CD247: variants seen among roughly 807,000 people sequenced by gnomAD.
CD247 encodes T-cell surface glycoprotein CD3 zeta chain.
In CD247, 13 loss-of-function variants were observed where a neutral mutation model predicts 30.0. That is an observed-to-expected ratio of 0.43 (90% CI 0.28 to 0.69). The LOEUF (loss-of-function observed/expected upper bound fraction) is 0.69. Ranked by LOEUF, CD247 falls within the 30% of genes least tolerant of loss-of-function variation. CD247 has a pLI of 0.16. For synonymous variants in CD247, 72 were observed against 80.0 expected, an observed-to-expected ratio of 0.90 and a Z score of 0.53; for missense variants, 193 against 212.6, an observed-to-expected ratio of 0.91 and a Z score of 0.57.
chr1:167,514,432 T>C (rs2949662), intron 1 of CD247, among the ~76,000 whole-genome samples: 15,694 of 152,204 alleles, frequency 0.1, 1,702 homozygotes, highest in African/African-American at 0.27. Context: ...TGATAATTAT[T>C]GCACATTGAC....
At position 167,439,480 on chromosome 1, in the gene CD247, C is replaced by T. The variant is rs1055041018; in HGVS notation, c.163-80G>A. ...CGGGGTGCCAGGGCGCGCGGCGACC[C>T]GAGGGACAGCCCTACTCCGCTCCTT... On this transcript the variant is annotated intron_variant, in intron 2 of 7. Transcript: ENST00000362089. 1.9e-5 allele frequency: 24 copies of T among 1,258,306 alleles called. No homozygotes were observed. In the East Asian group the frequency reaches 2.8e-4, roughly 15 times the overall value. 77.9% of individuals were successfully genotyped at this position (1,258,306 alleles called of 1,614,324 possible). A position where few individuals can be genotyped will look rare whatever the true frequency, so the allele number is the denominator to read the frequency against.
intron 1 of CD247, among the ~76,000 whole-genome samples, chr1:167,506,243 TTC>T (rs146984604): frequency 0.41 from 34,675 of 83,650 alleles, 4,965 homozygotes; most frequent in Admixed American, 0.52. Flanking sequence ...TTCTTTTCTT[TTC>T]CTTTTCTTTT....
At chr1:167,497,348 C>A (rs1003946881) in intron 1 of CD247, among the ~76,000 whole-genome samples, 4 of 152,042 alleles carry the variant, frequency 2.6e-5, no homozygotes, top group Non-Finnish European at 5.9e-5. Context: ...AATAAGTATG[C>A]TTTGACCTTG....
intron 1 of CD247, among the ~76,000 whole-genome samples, chr1:167,462,740 C>T (rs1653079912): frequency 6.6e-6 from 1 of 152,168 alleles, no homozygotes; most frequent in Non-Finnish European, 1.5e-5. Flanking sequence ...AATTCTCCCA[C>T]CCCCTGGAAA....
chr1:167,515,158 T>C (rs893462993), intron 1 of CD247, among the ~76,000 whole-genome samples: 9 of 152,204 alleles, frequency 5.9e-5, no homozygotes, highest in African/African-American at 1.7e-4. Context: ...AACAATCTGA[T>C]GGTGAAAATG....
chr1:167,491,091 G>C (rs1271766841), intron 1 of CD247, among the ~76,000 whole-genome samples: 1 of 151,604 alleles, frequency 6.6e-6, no homozygotes, highest in Non-Finnish European at 1.5e-5. Context: ...CCTAGTTTTG[G>C]CACGTCTTGC....
chr1:167,480,258 T>C (rs1653922918), intron 1 of CD247, among the ~76,000 whole-genome samples: 1 of 152,166 alleles, frequency 6.6e-6, no homozygotes, highest in Non-Finnish European at 1.5e-5. Flanking sequence ...GCTGAGGTCT[T>C]GGCAGGGCGA....
intron 1 of CD247, among the ~76,000 whole-genome samples, chr1:167,483,776 A>C (rs981729896): frequency 1.3e-5 from 2 of 152,200 alleles, no homozygotes; most frequent in East Asian, 3.9e-4. Context: ...CTATGAAAGG[A>C]TTTTATATTT....
chr1:167,432,620 T>G (rs1651325049), intron 7 of CD247, among the ~76,000 whole-genome samples: 1 of 152,244 alleles, frequency 6.6e-6, no homozygotes, highest in Non-Finnish European at 1.5e-5. Context: ...CTTTTTTTCC[T>G]TCAGTCTTCC....
In CD247 at chr1:167,493,112, G is replaced by A. The variant is rs554110318; in HGVS notation, c.58+25296C>T. Among the ~76,000 whole-genome samples, 55 of 129,846 alleles carry A rather than the reference G, an allele frequency of 4.2e-4. 1 individual carries two copies. In the East Asian group the frequency reaches 0.012, roughly 29 times the overall value. The allele number at this position is 129,846 out of a possible 152,430, so 85.2% of individuals were successfully genotyped here. A position where few individuals can be genotyped will look rare whatever the true frequency, so the allele number is the denominator to read the frequency against. On this transcript the variant is annotated intron_variant, in intron 1 of 7. Coordinates refer to ENST00000362089, the MANE Select transcript of CD247 (RefSeq NM_198053.3). Reference sequence around the variant, plus strand: ...GGCTGGAGTGCAGTGGTGCGATCTCGGCTCACTGCAACTGCCACCTCCTGG... The same window carrying A: ...GGCTGGAGTGCAGTGGTGCGATCTCAGCTCACTGCAACTGCCACCTCCTGG...
intron 1 of CD247, among the ~76,000 whole-genome samples, chr1:167,509,542 G>A (rs1277737413): frequency 6.6e-6 from 1 of 152,114 alleles, no homozygotes; most frequent in African/African-American, 2.4e-5. Context: ...AAAATACATA[G>A]GATGGACACT....
rs1379331647 is a variant in CD247 at position 167,431,575 on chromosome 1, A to G, written c.*106T>C. ...AAGCATCCTGTACATAAAGGGGAAT[A>G]CTTCAGTGGCTGAGAAGAGTGAACC... is the stretch of plus-strand genomic sequence containing the variant. On this transcript the variant is annotated 3_prime_UTR_variant, in exon 8 of 8. Coordinates refer to ENST00000362089, the MANE Select transcript of CD247 (RefSeq NM_198053.3). 3 of 918,290 alleles carry G rather than the reference A, an allele frequency of 3.3e-6. No homozygotes were observed. The highest frequency in any genetic ancestry group is 1.6e-5 in the African/African-American group (1 of 61,680). The allele number at this position is 918,290 out of a possible 1,614,324, so 56.9% of individuals were successfully genotyped here. A position where few individuals can be genotyped will look rare whatever the true frequency, so the allele number is the denominator to read the frequency against.
chr1:167,486,037 C>T lies in CD247; in HGVS notation c.58+32371G>A, dbSNP rs542761282. The stretch of plus-strand genomic sequence containing the variant: ...CCCCCACTGCCATCCACACACCACT[C>T]TGACCCCTGCAAGGACACACCACCA... On this transcript the variant is annotated intron_variant, in intron 1 of 7. Coordinates refer to ENST00000362089, the MANE Select transcript of CD247 (RefSeq NM_198053.3). 1.3e-3 allele frequency among the ~76,000 whole-genome samples: 200 copies of T among 152,346 alleles called. 1 individual carries two copies. Among genetic ancestry groups the T allele is most frequent in the Non-Finnish European group, 2.1e-3 (140 of 68,028 alleles).
At chr1:167,507,429 T>C (rs1219651514) in intron 1 of CD247, among the ~76,000 whole-genome samples, 4 of 152,188 alleles carry the variant, frequency 2.6e-5, no homozygotes, top group African/African-American at 4.8e-5. Context: ...TCATTCCACA[T>C]AGAATTTTAG....
At chr1:167,440,812 G>C in intron 1 of CD247, 45 bp from the exon 2 acceptor site, 10 of 1,262,638 alleles carry the variant, frequency 7.9e-6, no homozygotes, top group Non-Finnish European at 1.2e-5. Context: ...AAGGTGACGA[G>C]AACACATCCC....
intron 1 of CD247, among the ~76,000 whole-genome samples, chr1:167,474,701 A>G (rs949357885): frequency 4.1e-5 from 6 of 147,128 alleles, no homozygotes; most frequent in Admixed American, 6.8e-5. Flanking sequence ...CTGGCCAACG[A>G]TGGAACAACT....
rs543684896 is a variant in CD247, at chr1:167,447,563, C to T, written c.59-6796G>A. On this transcript the variant is annotated intron_variant, in intron 1 of 7. Transcript: ENST00000362089. Reference sequence around the variant, plus strand: ...CCTTTCAAACCTCACCCCCGTCCAGCTTGTTTCCACTTTGATAGGAAGCAC... The same window carrying T: ...CCTTTCAAACCTCACCCCCGTCCAGTTTGTTTCCACTTTGATAGGAAGCAC... 3.3e-5 allele frequency among the ~76,000 whole-genome samples: 5 copies of T among 152,290 alleles called. No homozygotes were observed. In the East Asian group the frequency reaches 7.7e-4, roughly 23 times the overall value.
intron 1 of CD247, among the ~76,000 whole-genome samples, chr1:167,517,185 G>A (rs763581300): frequency 1.2e-4 from 18 of 152,196 alleles, no homozygotes; most frequent in Non-Finnish European, 5.9e-5. Context: ...GAAAACAGCT[G>A]TGACCTGACA....
rs772867144 is a variant in CD247, at chr1:167,439,379, G to C, written c.184C>G (p.Pro62Ala). 2.5e-6 allele frequency: 4 copies of C among 1,614,174 alleles called. No individual in the cohort carries two copies. The highest frequency in any genetic ancestry group is 1.1e-5 in the South Asian group (1 of 91,088). The change falls in exon 3 of 8, where the codon CCC (proline) becomes GCC (alanine). Residue 62 changes from proline (P) to alanine (A), a missense_variant. Coordinates refer to ENST00000362089, the MANE Select transcript of CD247 (RefSeq NM_198053.3). Reference protein sequence around the residue: ...RVKFSRSADAPAYQQGQNQLY... With the variant: ...RVKFSRSADAAAYQQGQNQLY... ...TGGTTCTGGCCCTGCTGGTACGCGGGGGCGTCTGCGCTCCTGCTGAACTGC... is the reference window on the plus strand; with the variant it reads ...TGGTTCTGGCCCTGCTGGTACGCGGCGGCGTCTGCGCTCCTGCTGAACTGC...
Sources: gnomAD v4.1 joint callset for allele counts (sites outside exome capture counted in the v4.1 genomes callset) on GRCh38, gnomAD v4.1.1 for gene constraint, MANE v1.5 for transcripts, NCBI Gene and HGNC (gene_info 2026-07-23, HGNC 2026-07-21) for gene names.